The following ZNF846 variants were observed in gnomAD, a reference collection of about 807,000 sequenced individuals.
ZNF846 encodes zinc finger protein 420 pseudogene.
In ZNF846, 15 loss-of-function variants were observed where a neutral mutation model predicts 16.0. That is an observed-to-expected ratio of 0.94 (90% CI 0.63 to 1.45). The LOEUF (loss-of-function observed/expected upper bound fraction) is 1.45. ZNF846 is among the 40% of genes most tolerant of loss of function. The pLI is 0.00. For synonymous variants in ZNF846, 229 were observed against 212.0 expected (o/e 1.08, Z -0.70); for missense variants, 714 against 622.3 (o/e 1.15, Z -1.57).
chr19:9,770,018 A>C (rs893109036), upstream of ZNF846, among the ~76,000 whole-genome samples: 1 of 152,088 alleles, frequency 6.6e-6, no homozygotes, highest in African/African-American at 2.4e-5. Context: ...TTAATCCATA[A>C]AATGCTCTGT....
At chr19:9,758,678 C>T (rs772838270) in exon 6 of ZNF846, 16 of 1,612,202 alleles carry the variant, frequency 9.9e-6, no homozygotes, top group Non-Finnish European at 1.3e-5. Context: ...TGTGAGTTAT[C>T]ATGTGAGTCA....
intron 3 of ZNF846, 137 bp downstream of exon 3, chr19:9,763,144 CA>C (rs60184154): frequency 0.32 from 177,674 of 550,120 alleles, 13,586 homozygotes; most frequent in African/African-American, 0.68. Flanking sequence ...GACTGTGTCT[CA>C]AAAAAAAAAA....
Position 9,757,773 on chromosome 19 carries a change from G to A in ZNF846, c.1304C>T (p.Ser435Leu), listed in dbSNP as rs182054421. The change falls in exon 6 of 6, where the codon TCG becomes TTG. Residue 435 changes from serine to leucine, a missense_variant. Ser to Leu is a moderately radical substitution (Grantham distance 145). Transcript: ENST00000397902. The stretch of plus-strand genomic sequence containing the variant: ...AGTTCTTAAATGGGTACTAAGGCCC[G>A]AGGATTGAGTGAAAGCTTTCCCACA... 332 of 1,613,736 alleles carry A rather than the reference G, an allele frequency of 2.1e-4. 1 individual carries two copies. The highest frequency in any genetic ancestry group is 5.7e-4 in the Admixed American group (34 of 60,016).
At chr19:9,761,830 G>A (rs1420063392) in intron 4 of ZNF846, among the ~76,000 whole-genome samples, 1 of 152,050 alleles carries the variant, frequency 6.6e-6, no homozygotes, top group East Asian at 1.9e-4. Context: ...GTTGGCAAAG[G>A]ACCTACATGC....
chr19:9,756,975 C>G (rs1269160727), downstream of ZNF846: 2 of 151,844 alleles, frequency 1.3e-5, no homozygotes, highest in Non-Finnish European at 2.9e-5. Flanking sequence ...GCGGGCAGAT[C>G]ATGAGATCGG....
chr19:9,776,031 T>C (rs1315468886), intron 1 of ZNF846, among the ~76,000 whole-genome samples: 3 of 151,890 alleles, frequency 2.0e-5, no homozygotes, highest in Non-Finnish European at 2.9e-5. Flanking sequence ...AAGACAAGAG[T>C]GCAAGCCTTC....
chr19:9,786,136 A>C (rs1159769783), upstream of ZNF846: 1 of 151,730 alleles, frequency 6.6e-6, no homozygotes, highest in Non-Finnish European at 1.5e-5. Flanking sequence ...GAGAAGTCTT[A>C]GTTTCCGCGC....
intron 5 of ZNF846, 41 bp downstream of exon 5, chr19:9,759,819 C>CT: frequency 6.8e-7 from 1 of 1,470,576 alleles, no homozygotes; most frequent in African/African-American, 1.4e-5. Flanking sequence ...TATTGTGCTT[C>CT]TTGTCCTAGT....
intron 1 of ZNF846, among the ~76,000 whole-genome samples, chr19:9,777,107 T>TA (rs1052242235): frequency 2.0e-5 from 3 of 147,706 alleles, no homozygotes; most frequent in African/African-American, 5.0e-5. Flanking sequence ...TCAGGATCAT[T>TA]AAAAAAAAGA....
downstream of ZNF846, among the ~76,000 whole-genome samples, chr19:9,755,792 T>TC (rs1401369296): frequency 1.5e-5 from 1 of 64,584 alleles, no homozygotes; most frequent in Admixed American, 2.8e-4. Flanking sequence ...AGAGCGAGAC[T>TC]CCGTCTCAAA....
chr19:9,760,439 G>A (rs1021784129), intron 4 of ZNF846, among the ~76,000 whole-genome samples: 1 of 151,466 alleles, frequency 6.6e-6, no homozygotes, highest in Non-Finnish European at 1.5e-5. Flanking sequence ...GGTGGTTCAT[G>A]CCTATAATCC....
exon 1 of ZNF846, chr19:9,786,084 G>A (rs1159477087): frequency 6.6e-6 from 1 of 151,952 alleles, no homozygotes; most frequent in Non-Finnish European, 1.5e-5. Flanking sequence ...GGAGGCCTGA[G>A]GAGTTGGGAG....
chr19:9,753,352 C>T (rs960336416), downstream of ZNF846, among the ~76,000 whole-genome samples: 2 of 150,762 alleles, frequency 1.3e-5, no homozygotes, highest in Non-Finnish European at 2.9e-5. Flanking sequence ...CCCAGGTTCA[C>T]ACCATTCTCC....
intron 1 of ZNF846, chr19:9,774,768 G>A: frequency 1.3e-6 from 2 of 1,572,216 alleles, no homozygotes; most frequent in Non-Finnish European, 1.7e-6. Context: ...TCAGTAATTA[G>A]TGCTGAAAAC....
At chr19:9,779,341 T>G (rs971757671) in intron 1 of ZNF846, among the ~76,000 whole-genome samples, 33 of 152,242 alleles carry the variant, frequency 2.2e-4, no homozygotes, top group African/African-American at 6.7e-4. Context: ...CGATCATGGC[T>G]TACCGCAACC....
At chr19:9,763,346 A>T (rs761975977) in exon 3 of ZNF846, 2 of 1,611,808 alleles carry the variant, frequency 1.2e-6, no homozygotes, top group Non-Finnish European at 1.7e-6. Context: ...TCTGGGCTTG[A>T]TCCAACAAAG....
Position 9,778,409 on chromosome 19 carries a change from TA to T in ZNF846, c.-86+7528del, listed in dbSNP as rs979590791. ...AACCAAAAATGTCTCCAGACATTGC[TA>T]ACTGTCCCCCAGGAGTAAAATCATC... is the stretch of plus-strand genomic sequence containing the variant. On this transcript the variant is annotated intron_variant, in intron 1 of 4. Transcript: ENST00000586814. Among the ~76,000 whole-genome samples, 223 of 152,320 alleles carry T rather than the reference TA, an allele frequency of 1.5e-3. 1 individual carries two copies. Among genetic ancestry groups the T allele is most frequent in the African/African-American group, 5.2e-3 (218 of 41,576 alleles).
intron 1 of ZNF846, among the ~76,000 whole-genome samples, chr19:9,785,292 G>A (rs909061209): frequency 1.3e-5 from 2 of 148,820 alleles, no homozygotes; most frequent in Admixed American, 1.4e-4. Context: ...CCGCCTCCCA[G>A]GTTCAAGCGA....
At chr19:9,781,595 T>C (rs529752801) in intron 1 of ZNF846, among the ~76,000 whole-genome samples, 1 of 152,178 alleles carries the variant, frequency 6.6e-6, no homozygotes, top group Non-Finnish European at 1.5e-5. Context: ...CACCTGCTTG[T>C]GGAAGTTAGG....
Sources: allele counts gnomAD v4.1 joint callset (sites outside exome capture counted in the v4.1 genomes callset), GRCh38; gene constraint gnomAD v4.1.1; transcripts MANE v1.5; gene names NCBI Gene and HGNC (gene_info 2026-07-23, HGNC 2026-07-21).